The following FA2H variants were observed in gnomAD, a reference collection of about 807,000 sequenced individuals.
The protein encoded by FA2H is fatty acid alpha-hydroxylase.
A neutral mutation model predicts 44.9 loss-of-function variants in FA2H; 22 were observed. The ratio of observed to expected loss-of-function variants is 0.49; its 90% CI spans 0.35 to 0.70. FA2H has a LOEUF of 0.70. FA2H is among the 30% of genes least tolerant of loss of function. FA2H has a pLI of 0.01. For missense variants in FA2H, 501 were observed against 504.9 expected, an observed-to-expected ratio of 0.99 and a Z score of 0.07; for synonymous variants, 243 against 213.2, an observed-to-expected ratio of 1.14 and a Z score of -1.22.
chr16:74,720,065 C>T (rs902529520), intron 4 of FA2H, among the ~76,000 whole-genome samples: 3 of 152,074 alleles, frequency 2.0e-5, no homozygotes, highest in African/African-American at 4.8e-5. Context: ...CACCACCCTC[C>T]GGAGACAGCC....
At position 74,758,345 on chromosome 16, in the gene FA2H, C is replaced by T. The variant is rs562593551; in HGVS notation, c.270+16141G>A. On this transcript the variant is annotated intron_variant, in intron 1 of 6. Transcript: ENST00000219368. ...CTATGTTGGCCAGACTGGTCTCGAA[C>T]TCCTGACCTCGTGATCCGCCTGCCT... Among the ~76,000 whole-genome samples, 1,056 of 152,026 alleles carry T rather than the reference C, an allele frequency of 6.9e-3. 10 individuals are homozygous for T. The highest frequency in any genetic ancestry group is 0.024 in the African/African-American group (1,010 of 41,492).
chr16:74,713,131 T>G lies in FA2H; in HGVS notation c.*1059A>C, dbSNP rs1961614525. 1.3e-5 allele frequency: 2 copies of G among 152,670 alleles called. No homozygotes were observed. The allele number at this position is 152,670 out of a possible 1,614,324, so 9.5% of individuals were successfully genotyped here. ...TTAGCCTTTACACTTGGCGAGTTTT[T>G]TAAGTTTCAAGTAGTAATGGTTTGT... is the stretch of plus-strand genomic sequence containing the variant. On this transcript the variant is annotated 3_prime_UTR_variant, in exon 7 of 7. Coordinates refer to ENST00000219368, the MANE Select transcript of FA2H (RefSeq NM_024306.5).
intron 4 of FA2H, among the ~76,000 whole-genome samples, chr16:74,719,649 C>T (rs929047526): frequency 3.3e-5 from 5 of 152,016 alleles, no homozygotes; most frequent in Non-Finnish European, 5.9e-5. Flanking sequence ...GCGATCCTTC[C>T]ACCTCAGCTT....
chr16:74,745,466 A>G (rs1051061935), intron 1 of FA2H, among the ~76,000 whole-genome samples: 1 of 152,212 alleles, frequency 6.6e-6, no homozygotes, highest in Admixed American at 6.5e-5. Context: ...CAGGCAGGAA[A>G]AGAGCCTTCC....
chr16:74,762,434 G>T (rs532358777), intron 1 of FA2H, among the ~76,000 whole-genome samples: 1 of 152,178 alleles, frequency 6.6e-6, no homozygotes, highest in Non-Finnish European at 1.5e-5. Context: ...GCAACACTGC[G>T]AACTTTAAGT....
At chr16:74,721,292 C>T (rs774174153) in intron 4 of FA2H, among the ~76,000 whole-genome samples, 7 of 152,078 alleles carry the variant, frequency 4.6e-5, no homozygotes, top group South Asian at 2.1e-4. Context: ...CTCAGCCTCC[C>T]GGGTAGCTGG....
intron 4 of FA2H, among the ~76,000 whole-genome samples, chr16:74,725,378 G>A (rs1347716653): frequency 6.6e-6 from 1 of 152,218 alleles, no homozygotes; most frequent in Non-Finnish European, 1.5e-5. Flanking sequence ...TGTACCTGGA[G>A]GCCCAAGGTA....
At chr16:74,752,229 AGCCCAATCT>A (rs1442691422) in intron 1 of FA2H, among the ~76,000 whole-genome samples, 10 of 152,266 alleles carry the variant, frequency 6.6e-5, no homozygotes, top group African/African-American at 2.4e-4. Context: ...ACTCCCCCCA[AGCCCAATCT>A]GCCCTCCACA....
intron 1 of FA2H, among the ~76,000 whole-genome samples, chr16:74,752,787 T>G (rs1044173610): frequency 1.3e-5 from 2 of 152,128 alleles, no homozygotes; most frequent in Non-Finnish European, 2.9e-5. Flanking sequence ...AGCCTCACCT[T>G]TGGGGACTGT....
chr16:74,718,889 G>A lies in FA2H; in HGVS notation c.786+99C>T. ...TCCCGTCCCTCCCAACCCACAGCCA[G>A]ACTCCCAGGAGGCTCCGCAGCACCT... On this transcript the variant is annotated intron_variant, in intron 5 of 6. Transcript: ENST00000219368. The A allele has an allele frequency of 3.6e-6, 5 of 1,406,610 alleles. No homozygotes were observed. In the South Asian group the frequency reaches 4.8e-5, roughly 13 times the overall value. 87.1% of individuals were successfully genotyped at this position (1,406,610 alleles called of 1,614,324 possible).
intron 4 of FA2H, among the ~76,000 whole-genome samples, chr16:74,722,378 G>T (rs1482666861): frequency 6.6e-6 from 1 of 151,840 alleles, no homozygotes; most frequent in Non-Finnish European, 1.5e-5. Flanking sequence ...TCAACAAAAA[G>T]TAAAAAAATT....
chr16:74,756,735 A>T (rs960983855), intron 1 of FA2H, among the ~76,000 whole-genome samples: 2 of 152,120 alleles, frequency 1.3e-5, no homozygotes, highest in African/African-American at 4.8e-5. Context: ...TAGGTTTTTT[A>T]AAAAAAATCA....
At position 74,713,430 on chromosome 16, in the gene FA2H, G is replaced by C. The variant is rs990184001; in HGVS notation, c.*760C>G. 1 of 152,350 alleles carries C rather than the reference G, an allele frequency of 6.6e-6. No individual in the cohort carries two copies. The highest frequency in any genetic ancestry group is 1.5e-5 in the Non-Finnish European group (1 of 68,130). The allele number at this position is 152,350 out of a possible 1,614,324, so 9.4% of individuals were successfully genotyped here. A position where few individuals can be genotyped will look rare whatever the true frequency, so the allele number is the denominator to read the frequency against. ...AGCGCCCGAGTAGGGGCCTGAGCGG[G>C]GTGGAGGCCAAGAATGGCCAGGGAC... On this transcript the variant is annotated 3_prime_UTR_variant, in exon 7 of 7. Transcript: ENST00000219368.
chr16:74,751,220 G>A (rs1962521150), intron 1 of FA2H, among the ~76,000 whole-genome samples: 3 of 151,858 alleles, frequency 2.0e-5, no homozygotes, highest in Admixed American at 6.6e-5. Context: ...TCAGCCTCCC[G>A]AGTAGCTGGG....
intron 5 of FA2H, chr16:74,717,084 C>T (rs190592437): frequency 1.1e-3 from 185 of 161,652 alleles, no homozygotes; most frequent in East Asian, 0.01. Context: ...CGGGATGACC[C>T]GGAAGTGTCA....
At chr16:74,771,643 C>G (rs921838186) in intron 1 of FA2H, among the ~76,000 whole-genome samples, 3 of 152,122 alleles carry the variant, frequency 2.0e-5, no homozygotes, top group African/African-American at 7.2e-5. Context: ...GCCTCCTGCA[C>G]TCAGTTTTTC....
At chr16:74,773,665 C>G (rs8061027) in intron 1 of FA2H, among the ~76,000 whole-genome samples, 11,125 of 152,212 alleles carry the variant, frequency 0.073, 441 homozygotes, top group African/African-American at 0.092. Flanking sequence ...GCTATTTGAC[C>G]TTAGGCGCAT....
intron 1 of FA2H, among the ~76,000 whole-genome samples, chr16:74,742,817 CCA>C (rs1962340789): frequency 6.6e-6 from 1 of 151,980 alleles, no homozygotes; most frequent in South Asian, 2.1e-4. Flanking sequence ...CCAGCCTGGG[CCA>C]CAGAGTAAGA....
chr16:74,730,441 T>C (rs1407931825), intron 2 of FA2H, among the ~76,000 whole-genome samples: 9 of 152,172 alleles, frequency 5.9e-5, no homozygotes, highest in Non-Finnish European at 4.4e-5. Flanking sequence ...GCTCCCTTCC[T>C]TACCCCAGTC....
Sources: gnomAD v4.1 joint callset for allele counts (sites outside exome capture counted in the v4.1 genomes callset) on GRCh38, gnomAD v4.1.1 for gene constraint, MANE v1.5 for transcripts, NCBI Gene and HGNC (gene_info 2026-07-23, HGNC 2026-07-21) for gene names.